Variants in FOXO1 observed in about 807,000 individuals in gnomAD.
FOXO1 encodes the protein forkhead box O1.
FOXO1 carries 6 observed loss-of-function variants against 44.1 expected under a neutral mutation model. That is an observed-to-expected ratio of 0.14 (90% CI 0.07 to 0.27). The LOEUF (loss-of-function observed/expected upper bound fraction) is 0.27. Among genes scored for constraint, FOXO1 ranks in the 10% least tolerant of loss-of-function variants. The pLI is 1.00. For synonymous variants in FOXO1, 380 were observed against 362.7 expected (o/e 1.05, Z -0.54); for missense variants, 737 against 888.8 (o/e 0.83, Z 2.17).
chr13:40,642,434 T>C (rs868138513), intron 1 of FOXO1, among the ~76,000 whole-genome samples: 31 of 152,352 alleles, frequency 2.0e-4, no homozygotes, highest in African/African-American at 7.5e-4. Flanking sequence ...CTCATGCCTG[T>C]CACCACATAT....
chr13:40,631,066 G>T (rs1876946396), intron 1 of FOXO1, among the ~76,000 whole-genome samples: 2 of 152,134 alleles, frequency 1.3e-5, no homozygotes, highest in Non-Finnish European at 2.9e-5. Flanking sequence ...AAAATGAAAT[G>T]GATATAAAAA....
chr13:40,657,812 A>G (rs1479795711), intron 1 of FOXO1, among the ~76,000 whole-genome samples: 2 of 152,244 alleles, frequency 1.3e-5, no homozygotes, highest in East Asian at 3.8e-4. Context: ...TCTTGTACAC[A>G]GTAATTATTC....
At chr13:40,566,118 C>T (rs1053696423) in intron 1 of FOXO1, among the ~76,000 whole-genome samples, 1 of 152,182 alleles carries the variant, frequency 6.6e-6, no homozygotes, top group African/African-American at 2.4e-5. Context: ...CAGGGGCCTC[C>T]GAGCTCTGGA....
At position 40,557,048 on chromosome 13, in the gene FOXO1, G is replaced by A. The variant is rs538154981; in HGVS notation, c.*2001C>T. 6.6e-6 allele frequency: 1 copy of A among 152,322 alleles called. No individual in the cohort carries two copies. The highest frequency in any genetic ancestry group is 2.1e-4 in the South Asian group (1 of 4,828). The allele number at this position is 152,322 out of a possible 1,614,324, so 9.4% of individuals were successfully genotyped here. On this transcript the variant is annotated 3_prime_UTR_variant, in exon 3 of 3. Transcript: ENST00000379561. Reference sequence around the variant, plus strand: ...AATCTTCAAAAAAATGATCATCACAGTGGGAAGCTTACAATAGAGCTGGCT... The same window carrying A: ...AATCTTCAAAAAAATGATCATCACAATGGGAAGCTTACAATAGAGCTGGCT...
chr13:40,638,132 G>T (rs990952111), intron 1 of FOXO1, among the ~76,000 whole-genome samples: 1 of 152,200 alleles, frequency 6.6e-6, no homozygotes, highest in Non-Finnish European at 1.5e-5. Flanking sequence ...AGGCTGGAAT[G>T]CTGTGAAGGT....
At chr13:40,624,800 C>T (rs903068900) in intron 1 of FOXO1, among the ~76,000 whole-genome samples, 5 of 152,024 alleles carry the variant, frequency 3.3e-5, no homozygotes, top group African/African-American at 9.7e-5. Flanking sequence ...GAGAGTATTT[C>T]GAGTAATGAA....
At chr13:40,562,305 C>T (rs79703116) in intron 1 of FOXO1, among the ~76,000 whole-genome samples, 27,272 of 152,074 alleles carry the variant, frequency 0.18, 2,582 homozygotes, top group South Asian at 0.29. Flanking sequence ...CTCAAGCTAC[C>T]GCAGCTTCAT....
chr13:40,664,136 G>A (rs1878135503), intron 1 of FOXO1, among the ~76,000 whole-genome samples: 1 of 152,166 alleles, frequency 6.6e-6, no homozygotes, highest in Non-Finnish European at 1.5e-5. Flanking sequence ...AGCTCGACGT[G>A]GTGGCTCGTG....
chr13:40,629,895 T>C (rs1407256913), intron 1 of FOXO1, among the ~76,000 whole-genome samples: 1 of 152,210 alleles, frequency 6.6e-6, no homozygotes, highest in African/African-American at 2.4e-5. Flanking sequence ...CAACTAAATA[T>C]GTGCTAGTAA....
chr13:40,614,452 C>T (rs1236246494), intron 1 of FOXO1, among the ~76,000 whole-genome samples: 1 of 152,156 alleles, frequency 6.6e-6, no homozygotes, highest in Non-Finnish European at 1.5e-5. Flanking sequence ...CTCAAGGTCA[C>T]TGGAGTTGCA....
At chr13:40,597,739 G>A (rs906934326) in intron 1 of FOXO1, among the ~76,000 whole-genome samples, 11 of 152,176 alleles carry the variant, frequency 7.2e-5, no homozygotes, top group Admixed American at 2.6e-4. Context: ...CTTCTAAGGG[G>A]CCCTGTTCAC....
At chr13:40,660,596 C>T (rs1878002954) in intron 1 of FOXO1, among the ~76,000 whole-genome samples, 2 of 152,200 alleles carry the variant, frequency 1.3e-5, no homozygotes, top group Admixed American at 1.3e-4. Flanking sequence ...ACTGAATATT[C>T]TTCCCCCTCA....
intron 1 of FOXO1, among the ~76,000 whole-genome samples, chr13:40,636,745 T>C (rs1877171190): frequency 6.6e-6 from 1 of 152,096 alleles, no homozygotes. Context: ...TTCACCCGCC[T>C]TGGACTCCCA....
chr13:40,576,325 T>C (rs1874742288), intron 1 of FOXO1, among the ~76,000 whole-genome samples: 2 of 152,106 alleles, frequency 1.3e-5, no homozygotes, highest in South Asian at 4.1e-4. Context: ...CAGTGGAAGA[T>C]CAGAGGACAA....
rs2137816350 is a variant in FOXO1 at position 40,556,591 on chromosome 13, CATA to C, written c.*2455_*2457del. On this transcript the variant is annotated 3_prime_UTR_variant, in exon 3 of 3. Transcript: ENST00000379561. Reference sequence around the variant, plus strand: ...ACAGGAAAAAAACTACCAGAGGCCACATAATGTTTGCTTTCCAGACAGACCAGA... The same window carrying C: ...ACAGGAAAAAAACTACCAGAGGCCACATGTTTGCTTTCCAGACAGACCAGA... The C allele has an allele frequency of 1.3e-5, 2 of 152,728 alleles. No individual in the cohort carries two copies. The highest frequency in any genetic ancestry group is 4.8e-5 in the African/African-American group (2 of 41,558). The allele number at this position is 152,728 out of a possible 1,614,324, so 9.5% of individuals were successfully genotyped here. A position where few individuals can be genotyped will look rare whatever the true frequency, so the allele number is the denominator to read the frequency against.
chr13:40,653,208 C>G (rs1877743282), intron 1 of FOXO1, among the ~76,000 whole-genome samples: 1 of 152,094 alleles, frequency 6.6e-6, no homozygotes, highest in Non-Finnish European at 1.5e-5. Flanking sequence ...ACCTCATGAT[C>G]CACCCGCTTC....
intron 1 of FOXO1, among the ~76,000 whole-genome samples, chr13:40,651,115 T>C (rs1241440297): frequency 1.3e-5 from 2 of 151,868 alleles, no homozygotes; most frequent in African/African-American, 2.4e-5. Context: ...GTTTTTGTTT[T>C]TTTTTAAGAA....
At chr13:40,614,561 G>A (rs1398705294) in intron 1 of FOXO1, among the ~76,000 whole-genome samples, 1 of 152,170 alleles carries the variant, frequency 6.6e-6, no homozygotes, top group African/African-American at 2.4e-5. Flanking sequence ...TTTTGTTACT[G>A]AGAACAACGC....
Position 40,623,129 on chromosome 13 carries a change from A to C in FOXO1, c.630+42454T>G, listed in dbSNP as rs1013626307. On this transcript the variant is annotated intron_variant, in intron 1 of 2. Coordinates refer to ENST00000379561, the MANE Select transcript of FOXO1 (RefSeq NM_002015.4). ...GTTATCCAATGGGAATGTTTAAAAAAAAAAAAGGAATACAGTTAAAGGGGA... is the reference window on the plus strand; with the variant it reads ...GTTATCCAATGGGAATGTTTAAAAACAAAAAAGGAATACAGTTAAAGGGGA... Among the ~76,000 whole-genome samples the C allele has an allele frequency of 3.9e-5, 6 of 152,226 alleles. No individual in the cohort carries two copies. The East Asian group carries it at 1.2e-3, about 29-fold the overall frequency.
Sources: gnomAD v4.1 joint callset for allele counts (sites outside exome capture counted in the v4.1 genomes callset) on GRCh38, gnomAD v4.1.1 for gene constraint, MANE v1.5 for transcripts, NCBI Gene and HGNC (gene_info 2026-07-23, HGNC 2026-07-21) for gene names.